AFF3: variants seen among roughly 807,000 people sequenced by gnomAD.
AFF3 encodes AF4/FMR2 family member 3.
In AFF3, 32 loss-of-function variants were observed where a neutral mutation model predicts 129.7. The ratio of observed to expected loss-of-function variants is 0.25; its 90% confidence interval spans 0.19 to 0.33. The LOEUF (loss-of-function observed/expected upper bound fraction) is 0.33. AFF3 is among the 10% of genes least tolerant of loss of function. The probability of loss-of-function intolerance (pLI) is 1.00; values close to 1 mark genes in which losing one functional copy is unlikely to be tolerated. For missense variants in AFF3, 1,373 were observed against 1,592.0 expected, an observed-to-expected ratio of 0.86 and a Z score of 2.34; for synonymous variants, 644 against 635.4, an observed-to-expected ratio of 1.01 and a Z score of -0.20.
At chr2:99,879,322 T>A (rs1327892925) in intron 7 of AFF3, among the ~76,000 whole-genome samples, 2 of 152,212 alleles carry the variant, frequency 1.3e-5, no homozygotes. Context: ...ACATCCATCT[T>A]CCAGCTTATT....
intron 13 of AFF3, chr2:99,631,096 C>A (rs971388998): frequency 5.7e-6 from 2 of 353,926 alleles, no homozygotes; most frequent in East Asian, 2.1e-4. Context: ...CAGGGCCTGG[C>A]TCCTGGGAGT....
intron 7 of AFF3, among the ~76,000 whole-genome samples, chr2:99,991,549 T>A (rs777225834): frequency 6.6e-6 from 1 of 152,236 alleles, no homozygotes; most frequent in African/African-American, 2.4e-5. Flanking sequence ...AGAATCTTAT[T>A]GTGATGTATA....
At chr2:99,783,876 C>T (rs938081926) in intron 8 of AFF3, among the ~76,000 whole-genome samples, 1 of 152,214 alleles carries the variant, frequency 6.6e-6, no homozygotes, top group Non-Finnish European at 1.5e-5. Context: ...CTGACTTGAG[C>T]GGTAAATCAA....
intron 2 of AFF3, among the ~76,000 whole-genome samples, chr2:100,121,086 G>A (rs1484816694): frequency 1.3e-5 from 2 of 152,162 alleles, no homozygotes; most frequent in Non-Finnish European, 2.9e-5. Flanking sequence ...AGAAATTCTG[G>A]GAGGGCAGGT....
At chr2:99,754,814 C>T (rs1681955142) in intron 8 of AFF3, among the ~76,000 whole-genome samples, 1 of 152,146 alleles carries the variant, frequency 6.6e-6, no homozygotes, top group Non-Finnish European at 1.5e-5. Flanking sequence ...CCCTGAGCAC[C>T]CACTCATCCC....
chr2:100,124,505 A>G (rs1692104789), intron 2 of AFF3, among the ~76,000 whole-genome samples: 1 of 152,206 alleles, frequency 6.6e-6, no homozygotes, highest in South Asian at 2.1e-4. Context: ...TTTAAAGGGT[A>G]TTATAGACAT....
chr2:99,678,027 G>C (rs189164362), intron 11 of AFF3, among the ~76,000 whole-genome samples: 2 of 152,318 alleles, frequency 1.3e-5, no homozygotes. Flanking sequence ...TGTGTCCACT[G>C]TGTGGCAGGC....
chr2:99,865,216 T>G (rs985961485), intron 7 of AFF3, among the ~76,000 whole-genome samples: 2 of 152,294 alleles, frequency 1.3e-5, no homozygotes, highest in Middle Eastern at 6.8e-3. Context: ...ACAGCTTCCA[T>G]TGCCATGGCC....
chr2:99,682,899 C>A (rs527645294), intron 11 of AFF3, among the ~76,000 whole-genome samples: 1 of 152,340 alleles, frequency 6.6e-6, no homozygotes, highest in Non-Finnish European at 1.5e-5. Flanking sequence ...GGCTTCCAGG[C>A]ACCCTTCTGT....
rs905541215 is a variant in AFF3, at chr2:99,817,787, G to A, written c.921+19690C>T. On this transcript the variant is annotated intron_variant, in intron 8 of 24. Coordinates refer to ENST00000672756, the MANE Select transcript of AFF3 (RefSeq NM_001386135.1). ...AGCACATGTTGCAGCTTCCATTGTC[G>A]GAGAAGAAAATGAGTTAGAAAACTT... 5.3e-5 allele frequency among the ~76,000 whole-genome samples: 8 copies of A among 152,146 alleles called. 1 individual carries two copies. Among genetic ancestry groups the A allele is most frequent in the Middle Eastern group, 6.3e-3 (2 of 316 alleles).
chr2:99,947,629 T>TAGACAGACAGAC (rs1480008541), intron 7 of AFF3, among the ~76,000 whole-genome samples: 25 of 142,104 alleles, frequency 1.8e-4, no homozygotes, highest in African/African-American at 6.8e-4. Context: ...GATAGATAGA[T>TAGACAGACAGAC]AGATAGATAG....
chr2:100,049,039 A>T (rs2105120363), intron 4 of AFF3, among the ~76,000 whole-genome samples: 1 of 152,352 alleles, frequency 6.6e-6, no homozygotes, highest in African/African-American at 2.4e-5. Context: ...GAGGCACAGT[A>T]ACTACCAATG....
At chr2:100,101,305 T>C (rs1479898507) in intron 4 of AFF3, among the ~76,000 whole-genome samples, 3 of 152,128 alleles carry the variant, frequency 2.0e-5, no homozygotes, top group African/African-American at 7.2e-5. Context: ...AAGAATAAAC[T>C]AGCTCAGATT....
chr2:100,130,539 G>A (rs1692387375), intron 1 of AFF3, among the ~76,000 whole-genome samples: 1 of 152,216 alleles, frequency 6.6e-6, no homozygotes, highest in South Asian at 2.1e-4. Context: ...GCTCAGCCGT[G>A]TGCCCACAGG....
At chr2:100,059,666 G>A (rs897431095) in intron 4 of AFF3, among the ~76,000 whole-genome samples, 6 of 152,180 alleles carry the variant, frequency 3.9e-5, no homozygotes, top group African/African-American at 1.2e-4. Flanking sequence ...TAAAGAAAAT[G>A]GTATGTCCTC....
At chr2:100,001,491 T>G (rs960421518) in intron 7 of AFF3, among the ~76,000 whole-genome samples, 1 of 152,262 alleles carries the variant, frequency 6.6e-6, no homozygotes, top group African/African-American at 2.4e-5. Context: ...TGCAGTGGCA[T>G]GATCTCGTCT....
intron 7 of AFF3, among the ~76,000 whole-genome samples, chr2:99,887,714 G>C (rs915723757): frequency 6.6e-6 from 1 of 152,112 alleles, no homozygotes; most frequent in African/African-American, 2.4e-5. Context: ...ATTAAACTAC[G>C]CTAGTAGATA....
intron 13 of AFF3, among the ~76,000 whole-genome samples, chr2:99,636,524 G>A (rs1394963584): frequency 2.6e-5 from 4 of 152,232 alleles, no homozygotes; most frequent in Admixed American, 6.5e-5. Flanking sequence ...GAGCGGCAAT[G>A]GGTAGAAGGC....
chr2:100,082,050 G>A (rs970290536), intron 4 of AFF3, among the ~76,000 whole-genome samples: 1 of 152,090 alleles, frequency 6.6e-6, no homozygotes, highest in Non-Finnish European at 1.5e-5. Flanking sequence ...TTGATTTAGG[G>A]ATTTTTTTAA....
Sources: gnomAD v4.1 joint callset for allele counts (sites outside exome capture counted in the v4.1 genomes callset) on GRCh38, gnomAD v4.1.1 for gene constraint, MANE v1.5 for transcripts, NCBI Gene and HGNC (gene_info 2026-07-23, HGNC 2026-07-21) for gene names.